Variants in SCAF11 observed in about 807,000 individuals in gnomAD.
SCAF11 encodes protein SCAF11.
SCAF11 carries 47 observed loss-of-function variants against 140.5 expected under a neutral mutation model. The ratio of observed to expected loss-of-function variants is 0.33; its 90% CI spans 0.26 to 0.43. The LOEUF is 0.43. Among genes scored for constraint, SCAF11 ranks in the 20% least tolerant of loss-of-function variants. The pLI is 1.00. For synonymous variants in SCAF11, 557 were observed against 579.4 expected (o/e 0.96, Z 0.55); for missense variants, 1,645 against 1,705.1 (o/e 0.96, Z 0.62).
intron 4 of SCAF11, among the ~76,000 whole-genome samples, chr12:45,951,034 CA>C (rs1945536891): frequency 6.6e-6 from 1 of 152,118 alleles, no homozygotes; most frequent in Admixed American, 6.5e-5. Flanking sequence ...TTACTCAACT[CA>C]GACATGTTTT....
upstream of SCAF11, chr12:45,990,600 C>T (rs1484396233): frequency 3.3e-6 from 4 of 1,224,970 alleles, no homozygotes; most frequent in South Asian, 4.2e-5. Flanking sequence ...TGTCTAGCCT[C>T]CTCCCTCCCC....
At position 45,927,339 on chromosome 12, in the gene SCAF11, G is replaced by A. The variant is rs1308798337; in HGVS notation, c.2362C>T (p.Arg788Cys). 7.4e-6 allele frequency: 12 copies of A among 1,613,952 alleles called. No homozygotes were observed. Among genetic ancestry groups the A allele is most frequent in the Admixed American group, 3.3e-5 (2 of 59,984 alleles). ...GAATGAAATCTAGATCTTCGAGTACGAGGCTTTTTGGTTTTATCTATGGTA... is the reference window on the plus strand; with the variant it reads ...GAATGAAATCTAGATCTTCGAGTACAAGGCTTTTTGGTTTTATCTATGGTA... ...KDTIDKTKKP[R>C]TRRSRFHSPS... The change falls in exon 11 of 15, where the codon CGT (arginine) becomes TGT (cysteine). Residue 788 changes from arginine to cysteine, a missense_variant. Coordinates refer to ENST00000369367, the MANE Select transcript of SCAF11 (RefSeq NM_004719.3).
intron 1 of SCAF11, among the ~76,000 whole-genome samples, chr12:45,970,991 TAAAATGAATAAAGAA>T (rs1946059014): frequency 6.6e-6 from 1 of 151,908 alleles, no homozygotes; most frequent in Non-Finnish European, 1.5e-5. Context: ...TTCTAAAGAG[TAAAATGAATAAAGAA>T]TAAAACACTT....
intron 1 of SCAF11, among the ~76,000 whole-genome samples, chr12:45,972,720 TAG>T (rs1175603203): frequency 6.7e-6 from 1 of 148,886 alleles, no homozygotes. Flanking sequence ...TTACTTGGCA[TAG>T]AGAGAGGTGG....
chr12:45,968,109 G>T (rs898038844), intron 1 of SCAF11, among the ~76,000 whole-genome samples: 1 of 152,010 alleles, frequency 6.6e-6, no homozygotes, highest in African/African-American at 2.4e-5. Flanking sequence ...ACTATTTATG[G>T]CTTTATAATC....
rs745925215 is a variant in SCAF11 at position 45,965,206 on chromosome 12, C to A, written c.-21-1018G>T. Among the ~76,000 whole-genome samples, 48 of 151,994 alleles carry A rather than the reference C, an allele frequency of 3.2e-4. 1 individual carries two copies. The highest frequency in any genetic ancestry group is 1.0e-4 in the Non-Finnish European group (7 of 68,000). On this transcript the variant is annotated intron_variant, in intron 1 of 14. Transcript: ENST00000369367. ...TGAATTTTTTTAAAAAAGATAGATA[C>A]GCCAGCCAAGTATGGATTGAATTAC...
At chr12:45,954,451 G>T (rs891568759) in intron 3 of SCAF11, among the ~76,000 whole-genome samples, 1 of 152,000 alleles carries the variant, frequency 6.6e-6, no homozygotes, top group Non-Finnish European at 1.5e-5. Flanking sequence ...TGCCCAGGGT[G>T]GTCTTGGACT....
At position 45,927,794 on chromosome 12, in the gene SCAF11, C is replaced by G; in HGVS notation, c.1907G>C (p.Gly636Ala). ...TTCTACATCTTCAGTTTCAACATGC[C>G]CAAGCAATTGAACCTCTGGGCTCTT... ...SVKSPEVQLL[G>A]HVETEDVEII... is the part of the protein sequence containing the mutation. The change falls in exon 11 of 15, where the codon GGG (glycine) becomes GCG (alanine). Residue 636 changes from glycine to alanine, a missense_variant. This residue lies in a region of SCAF11 where 1,582 missense variants were observed against 1,609.2 expected (regional missense o/e 0.98). Transcript: ENST00000369367. 6.2e-6 allele frequency: 10 copies of G among 1,613,544 alleles called. No homozygotes were observed. The highest frequency in any genetic ancestry group is 8.5e-6 in the Non-Finnish European group (10 of 1,179,796).
intron 6 of SCAF11, among the ~76,000 whole-genome samples, chr12:45,938,100 C>T (rs1945210446): frequency 6.6e-6 from 1 of 152,180 alleles, no homozygotes; most frequent in African/African-American, 2.4e-5. Context: ...TTACCATCCC[C>T]CTCATACTGT....
chr12:45,946,539 T>C (rs1945427201), intron 5 of SCAF11, among the ~76,000 whole-genome samples: 1 of 152,196 alleles, frequency 6.6e-6, no homozygotes, highest in African/African-American at 2.4e-5. Flanking sequence ...GGACGACTTT[T>C]GCTATGTTAG....
At position 45,927,587 on chromosome 12, in the gene SCAF11, A is replaced by G. The variant is rs780318996; in HGVS notation, c.2114T>C (p.Ile705Thr). The stretch of plus-strand genomic sequence containing the variant: ...GTTGTCCTCACTAAAATGCTTCTGA[A>G]TCTGTTCAATGTGTGTTTTAGGCAA... ...TELPKTHIEQ[I>T]QKHFSEDNNE... Residue 705 changes from isoleucine to threonine, a missense_variant, in exon 11 of 15, where the codon ATT (isoleucine) becomes ACT (threonine). Around this residue, in one of 2 missense-constraint regions of SCAF11, gnomAD observed 1,582 missense variants for 1,609.2 expected, o/e 0.98. Coordinates refer to ENST00000369367, the MANE Select transcript of SCAF11 (RefSeq NM_004719.3). 3 of 1,612,874 alleles carry G rather than the reference A, an allele frequency of 1.9e-6. No individual in the cohort carries two copies. In the Admixed American group the frequency reaches 5.0e-5, roughly 27 times the overall value.
At chr12:45,984,397 G>A (rs1243924394) in intron 1 of SCAF11, among the ~76,000 whole-genome samples, 3 of 152,016 alleles carry the variant, frequency 2.0e-5, no homozygotes, top group Non-Finnish European at 4.4e-5. Context: ...CAGTAATTAT[G>A]ATGTGTTTTT....
At position 45,926,176 on chromosome 12, in the gene SCAF11, T is replaced by C. The variant is rs1266781507; in HGVS notation, c.3525A>G (p.Gly1175=). The C allele has an allele frequency of 3.7e-6, 6 of 1,613,998 alleles. No homozygotes were observed. The highest frequency in any genetic ancestry group is 2.2e-5 in the South Asian group (2 of 91,082). The change falls in exon 11 of 15, where the codon GGA becomes GGG. Residue 1175 remains glycine (G), a synonymous_variant. Coordinates refer to ENST00000369367, the MANE Select transcript of SCAF11 (RefSeq NM_004719.3). ...RGRNSSGPQS[G]WMKQEEETSG... ...ATGTTTCCTCCTCTTGTTTCATCCATCCAGACTGTGGACCTGAAGAATTTC... is the reference window on the plus strand; with the variant it reads ...ATGTTTCCTCCTCTTGTTTCATCCACCCAGACTGTGGACCTGAAGAATTTC...
Position 45,928,426 on chromosome 12 carries a change from T to C in SCAF11, c.1275A>G (p.Pro425=), listed in dbSNP as rs755479979. The change falls in exon 11 of 15, where the codon CCA becomes CCG. Residue 425 remains proline (P), a synonymous_variant. Transcript: ENST00000369367. ...TSPVLEKEHQ[P]DVDSSNICTV... ...TACAAATGTTACTACTGTCTACATC[T>C]GGTTGGTGCTCTTTTTCTAACACAG... The C allele has an allele frequency of 4.3e-6, 7 of 1,612,574 alleles. No individual in the cohort carries two copies. Among genetic ancestry groups the C allele is most frequent in the Non-Finnish European group, 5.9e-6 (7 of 1,178,836 alleles).
At chr12:45,965,566 C>T (rs1945925667) in intron 1 of SCAF11, among the ~76,000 whole-genome samples, 2 of 152,130 alleles carry the variant, frequency 1.3e-5, no homozygotes, top group Admixed American at 1.3e-4. Flanking sequence ...CTCCTGCCTC[C>T]ACCTCCCAAA....
chr12:45,937,596 T>G (rs1945198973), intron 6 of SCAF11, among the ~76,000 whole-genome samples: 1 of 152,208 alleles, frequency 6.6e-6, no homozygotes, highest in African/African-American at 2.4e-5. Context: ...CAAGCAGACA[T>G]CTGGTTACTT....
At chr12:45,988,429 G>GA (rs1946511808) in intron 1 of SCAF11, among the ~76,000 whole-genome samples, 1 of 152,112 alleles carries the variant, frequency 6.6e-6, no homozygotes, top group Non-Finnish European at 1.5e-5. Flanking sequence ...TCATGTAACT[G>GA]CACTGATTCA....
intron 1 of SCAF11, among the ~76,000 whole-genome samples, chr12:45,983,950 G>T (rs573689553): frequency 6.6e-6 from 1 of 152,018 alleles, no homozygotes; most frequent in African/African-American, 2.4e-5. Context: ...TACTCAAGAG[G>T]GTTTAAAGAT....
intron 1 of SCAF11, chr12:45,974,395 T>C: frequency 2.8e-6 from 1 of 356,582 alleles, no homozygotes; most frequent in South Asian, 2.1e-5. Flanking sequence ...ACAAAAAATT[T>C]CTCTGTGTAC....
Sources: gnomAD v4.1 joint callset for allele counts (sites outside exome capture counted in the v4.1 genomes callset) on GRCh38, gnomAD v4.1.1 for gene constraint, gnomAD v4.1.1 regional missense constraint, MANE v1.5 for transcripts, NCBI Gene and HGNC (gene_info 2026-07-23, HGNC 2026-07-21) for gene names.